Variants in UBE2H observed in about 807,000 individuals in gnomAD.
The protein encoded by UBE2H is ubiquitin-conjugating enzyme E2 H.
UBE2H carries 3 observed loss-of-function variants against 29.0 expected under a neutral mutation model. The observed-to-expected ratio is 0.10, with a 90% CI of 0.05 to 0.27. The LOEUF is 0.27. Ranked by LOEUF, UBE2H falls within the 10% of genes least tolerant of loss-of-function variation. The probability of loss-of-function intolerance (pLI) is 1.00; values close to 1 mark genes in which losing one functional copy is unlikely to be tolerated. For synonymous variants in UBE2H, 69 were observed against 82.9 expected (o/e 0.83, Z 0.91); for missense variants, 68 against 228.2 (o/e 0.30, Z 4.52).
chr7:129,898,905 C>T lies in UBE2H; in HGVS notation c.54-17934G>A, dbSNP rs1170277984. Among the ~76,000 whole-genome samples, 5 of 151,592 alleles carry T rather than the reference C, an allele frequency of 3.3e-5. No homozygotes were observed. In the South Asian group the frequency reaches 8.4e-4, roughly 25 times the overall value. ...TTCTAGTCCCACTGCCTAGATACTA[C>T]CATTGCTTATGCACTTTCCATAGAG... is the stretch of plus-strand genomic sequence containing the variant. On this transcript the variant is annotated intron_variant, in intron 1 of 6. Transcript: ENST00000355621.
At chr7:129,929,595 C>T (rs145835678) in intron 1 of UBE2H, among the ~76,000 whole-genome samples, 1 of 152,234 alleles carries the variant, frequency 6.6e-6, no homozygotes, top group Non-Finnish European at 1.5e-5. Context: ...CAAGATAAAC[C>T]AGACACTGTT....
At chr7:129,932,336 G>A (rs1807423763) in intron 1 of UBE2H, among the ~76,000 whole-genome samples, 1 of 149,212 alleles carries the variant, frequency 6.7e-6, no homozygotes, top group African/African-American at 2.5e-5. Context: ...TGTTAGCCAG[G>A]ATGGTCTCAA....
rs546196855 is a variant in UBE2H, at chr7:129,945,612, T to C, written c.53+6891A>G. 7.2e-5 allele frequency among the ~76,000 whole-genome samples: 11 copies of C among 152,324 alleles called. No individual in the cohort carries two copies. The South Asian group carries it at 2.3e-3, about 32-fold the overall frequency. On this transcript the variant is annotated intron_variant, in intron 1 of 6. Coordinates refer to ENST00000355621, the MANE Select transcript of UBE2H (RefSeq NM_003344.4). Reference sequence around the variant, plus strand: ...TTACCTTCTTTGATCTAGAATCCCATTTCGGGAAAACAGAAATAACCCAAA... The same window carrying C: ...TTACCTTCTTTGATCTAGAATCCCACTTCGGGAAAACAGAAATAACCCAAA...
chr7:129,944,715 A>AAAAC (rs1304906388), intron 1 of UBE2H, among the ~76,000 whole-genome samples: 28 of 144,056 alleles, frequency 1.9e-4, no homozygotes, highest in East Asian at 4.0e-4. Context: ...ATGCGCTCAA[A>AAAAC]ACACACACAC....
At chr7:129,840,505 AGAT>A (rs1805409926) in intron 5 of UBE2H, among the ~76,000 whole-genome samples, 2 of 151,630 alleles carry the variant, frequency 1.3e-5, no homozygotes, top group African/African-American at 4.8e-5. Context: ...AGGCATACAC[AGAT>A]GATATCTACA....
chr7:129,921,534 C>T (rs998657196), intron 1 of UBE2H, among the ~76,000 whole-genome samples: 4 of 151,918 alleles, frequency 2.6e-5, no homozygotes, highest in African/African-American at 9.7e-5. Context: ...CCTGTCTCTA[C>T]TAAAAATACA....
chr7:129,866,657 C>T (rs1170266603), intron 3 of UBE2H, among the ~76,000 whole-genome samples: 1 of 152,138 alleles, frequency 6.6e-6, no homozygotes, highest in Non-Finnish European at 1.5e-5. Context: ...ATCCCAATTA[C>T]CCTGTTTTGA....
intron 3 of UBE2H, among the ~76,000 whole-genome samples, chr7:129,862,688 C>T (rs2116326572): frequency 6.6e-6 from 1 of 152,256 alleles, no homozygotes; most frequent in South Asian, 2.1e-4. Context: ...TTGCCTGATG[C>T]TCTGAAGTTT....
chr7:129,945,324 A>G (rs1807740706), intron 1 of UBE2H, among the ~76,000 whole-genome samples: 1 of 152,252 alleles, frequency 6.6e-6, no homozygotes, highest in African/African-American at 2.4e-5. Flanking sequence ...AGTTCCTGTT[A>G]GATCTATCTG....
chr7:129,943,508 C>T (rs1416468338), intron 1 of UBE2H, among the ~76,000 whole-genome samples: 1 of 151,570 alleles, frequency 6.6e-6, no homozygotes, highest in African/African-American at 2.4e-5. Flanking sequence ...GGCCAAGCGC[C>T]GGGAGGCAGA....
chr7:129,842,732 G>A (rs946177586), intron 5 of UBE2H, among the ~76,000 whole-genome samples: 1 of 151,264 alleles, frequency 6.6e-6, no homozygotes, highest in African/African-American at 2.4e-5. Flanking sequence ...GTGAAATCCC[G>A]TTTCTACTAA....
intron 1 of UBE2H, chr7:129,951,471 C>G (rs1258387552): frequency 1.3e-5 from 2 of 151,668 alleles, no homozygotes; most frequent in East Asian, 3.9e-4. Flanking sequence ...CTCCCCCTAC[C>G]CTCTAAACTA....
intron 3 of UBE2H, among the ~76,000 whole-genome samples, chr7:129,868,537 G>A (rs890228425): frequency 5.1e-5 from 7 of 136,160 alleles, no homozygotes; most frequent in Non-Finnish European, 1.1e-4. Context: ...CCGAGATTGC[G>A]CCACTGCAGT....
intron 1 of UBE2H, among the ~76,000 whole-genome samples, chr7:129,884,592 ATT>A (rs760022598): frequency 7.4e-4 from 99 of 133,492 alleles, no homozygotes; most frequent in African/African-American, 1.0e-3. Flanking sequence ...ACGAATTACT[ATT>A]TTTTTTTTTT....
chr7:129,876,011 GCT>G (rs1477722602), intron 3 of UBE2H, among the ~76,000 whole-genome samples: 4 of 152,044 alleles, frequency 2.6e-5, no homozygotes, highest in African/African-American at 7.2e-5. Context: ...TCTTCCTTAC[GCT>G]CTCTCTTCTA....
intron 3 of UBE2H, among the ~76,000 whole-genome samples, chr7:129,874,116 A>G (rs553279960): frequency 8.5e-5 from 13 of 152,298 alleles, no homozygotes; most frequent in Non-Finnish European, 1.3e-4. Context: ...AAATTAGGAT[A>G]CAATTCTGTT....
intron 1 of UBE2H, among the ~76,000 whole-genome samples, chr7:129,934,318 C>T (rs572626611): frequency 6.7e-6 from 1 of 150,030 alleles, no homozygotes; most frequent in South Asian, 2.1e-4. Context: ...ACCGACCTTG[C>T]TTTAAAAACA....
intron 1 of UBE2H, among the ~76,000 whole-genome samples, chr7:129,924,896 A>T (rs1420464296): frequency 6.6e-6 from 1 of 151,604 alleles, no homozygotes; most frequent in East Asian, 1.9e-4. Flanking sequence ...CCACCGCTGA[A>T]CTCCCAAATC....
intron 5 of UBE2H, among the ~76,000 whole-genome samples, chr7:129,856,663 T>A (rs1338848939): frequency 6.6e-6 from 1 of 152,174 alleles, no homozygotes; most frequent in Admixed American, 6.5e-5. Context: ...CAGATTTATT[T>A]GTTGTATCCC....
Sources: allele counts gnomAD v4.1 joint callset (sites outside exome capture counted in the v4.1 genomes callset), GRCh38; gene constraint gnomAD v4.1.1; transcripts MANE v1.5; gene names NCBI Gene and HGNC (gene_info 2026-07-23, HGNC 2026-07-21).